TJP2: variants seen among roughly 807,000 people sequenced by gnomAD.
TJP2 encodes Friedreich ataxia region gene X104 (tight junction protein ZO-2).
TJP2 carries 91 observed loss-of-function variants against 133.1 expected under a neutral mutation model. The ratio of observed to expected loss-of-function variants is 0.68; its 90% confidence interval spans 0.58 to 0.81. The LOEUF (loss-of-function observed/expected upper bound fraction) is 0.81. Among genes scored for constraint, TJP2 ranks in the 40% least tolerant of loss-of-function variants. TJP2 has a pLI of 0.00. For missense variants in TJP2, 1,541 were observed against 1,565.6 expected (o/e 0.98, Z 0.26); for synonymous variants, 592 against 583.4 (o/e 1.01, Z -0.21).
intron 2 of TJP2, among the ~76,000 whole-genome samples, chr9:69,160,439 GTTCA>G (rs775797847): frequency 2.0e-4 from 30 of 152,224 alleles, no homozygotes; most frequent in Non-Finnish European, 4.0e-4. Context: ...ACCTGATTTT[GTTCA>G]TTATGACTCC....
At chr9:69,198,356 G>A (rs886582629) in intron 1 of TJP2, among the ~76,000 whole-genome samples, 6 of 152,164 alleles carry the variant, frequency 3.9e-5, no homozygotes, top group African/African-American at 1.4e-4. Flanking sequence ...TGGCCAGGCT[G>A]GTCTTGATCT....
In TJP2 at chr9:69,221,210, G is replaced by A. The variant is rs1828811416; in HGVS notation, c.666G>A (p.Glu222=). 6.2e-7 allele frequency: 1 copy of A among 1,603,396 alleles called. No homozygotes were observed. The highest frequency in any genetic ancestry group is 1.3e-5 in the African/African-American group (1 of 74,634). The change falls in exon 5 of 23, where the codon GAG becomes GAA. Residue 222 remains glutamate (E), a synonymous_variant. Transcript: ENST00000377245. ...ACCGCAGCCGTGGCCGGAGCCTGGAGCGGGGCCTGGACCACGACTTTGGGC... is the reference window on the plus strand; with the variant it reads ...ACCGCAGCCGTGGCCGGAGCCTGGAACGGGGCCTGGACCACGACTTTGGGC... ...TRDRSRGRSL[E]RGLDHDFGPS...
chr9:69,164,256 C>G (rs1824235409), intron 2 of TJP2, among the ~76,000 whole-genome samples: 1 of 152,112 alleles, frequency 6.6e-6, no homozygotes, highest in African/African-American at 2.4e-5. Context: ...TACTCTTCAA[C>G]TTTAATCTGT....
At chr9:69,158,019 CA>C (rs1823861536) in intron 2 of TJP2, among the ~76,000 whole-genome samples, 1 of 152,018 alleles carries the variant, frequency 6.6e-6, no homozygotes, top group Non-Finnish European at 1.5e-5. Context: ...GACCCAGAGG[CA>C]GGCACAGTGG....
intron 1 of TJP2, among the ~76,000 whole-genome samples, chr9:69,204,503 C>A (rs930862368): frequency 6.6e-6 from 1 of 152,196 alleles, no homozygotes; most frequent in Non-Finnish European, 1.5e-5. Flanking sequence ...AAAGAACAGA[C>A]GGCAGGGCTC....
intron 4 of TJP2, among the ~76,000 whole-genome samples, chr9:69,220,010 G>A: frequency 6.6e-6 from 1 of 152,170 alleles, no homozygotes; most frequent in East Asian, 1.9e-4. Flanking sequence ...AATTAGCCAG[G>A]CATGGTGGTG....
intron 1 of TJP2, among the ~76,000 whole-genome samples, chr9:69,140,836 C>T (rs1264630614): frequency 2.6e-5 from 4 of 152,202 alleles, no homozygotes; most frequent in Admixed American, 2.6e-4. Context: ...ATAAGGAGTT[C>T]AAAGTTTTTT....
chr9:69,248,149 T>G lies in TJP2; in HGVS notation c.2805T>G (p.Asn935Lys). 6.2e-7 allele frequency: 1 copy of G among 1,613,902 alleles called. No homozygotes were observed. Among genetic ancestry groups the G allele is most frequent in the Non-Finnish European group, 8.5e-7 (1 of 1,179,958 alleles). ...GTGAAGGAGGCGCCTACACTGACAATGAGCTGGATGAGCCAGCCGAGGAGC... is the reference window on the plus strand; with the variant it reads ...GTGAAGGAGGCGCCTACACTGACAAGGAGCTGGATGAGCCAGCCGAGGAGC... ...TDGEGGAYTD[N>K]ELDEPAEEPL... Residue 935 changes from asparagine (N) to lysine (K), a missense_variant, in exon 19 of 23, where the codon AAT becomes AAG. By Grantham distance (94) the Asn-to-Lys change is moderately conservative. Transcript: ENST00000377245.
intron 1 of TJP2, among the ~76,000 whole-genome samples, chr9:69,192,522 C>T (rs1487661317): frequency 6.6e-6 from 1 of 152,162 alleles, no homozygotes; most frequent in East Asian, 1.9e-4. Context: ...TTCATCTTGG[C>T]AAATGCTGTA....
At chr9:69,187,135 C>T (rs568119407) in intron 1 of TJP2, among the ~76,000 whole-genome samples, 6 of 152,256 alleles carry the variant, frequency 3.9e-5, no homozygotes, top group African/African-American at 9.6e-5. Flanking sequence ...TCAGCATGCA[C>T]GGCCTGAAAG....
intron 1 of TJP2, among the ~76,000 whole-genome samples, chr9:69,186,553 T>A (rs1825874028): frequency 6.6e-6 from 1 of 152,226 alleles, no homozygotes; most frequent in Non-Finnish European, 1.5e-5. Context: ...TAACAATGGA[T>A]GTCCAAACAG....
intron 1 of TJP2, among the ~76,000 whole-genome samples, chr9:69,182,810 T>C (rs2133002139): frequency 7.3e-6 from 1 of 137,422 alleles, no homozygotes; most frequent in South Asian, 2.3e-4. Context: ...TTTTTTGAGA[T>C]GGAGTTTCAC....
intron 1 of TJP2, among the ~76,000 whole-genome samples, chr9:69,144,645 C>CA (rs1240136170): frequency 2.0e-5 from 3 of 152,224 alleles, no homozygotes; most frequent in Non-Finnish European, 4.4e-5. Flanking sequence ...CCTAGGGTGA[C>CA]AGTGGCCTCC....
chr9:69,181,905 CCTTA>C (rs1338232540), intron 1 of TJP2, among the ~76,000 whole-genome samples: 2 of 152,172 alleles, frequency 1.3e-5, no homozygotes, highest in Non-Finnish European at 2.9e-5. Flanking sequence ...GGATTCTCTT[CCTTA>C]CTTTGCAGCT....
intron 17 of TJP2, among the ~76,000 whole-genome samples, chr9:69,244,353 T>C (rs1264323927): frequency 6.6e-6 from 1 of 152,084 alleles, no homozygotes; most frequent in African/African-American, 2.4e-5. Flanking sequence ...CTAAACCCTC[T>C]AGTCTTAGAT....
Position 69,247,838 on chromosome 9 carries a change from A to G in TJP2, c.2668-174A>G, listed in dbSNP as rs1178130471. ...TGAGTTCCTGCACAAAAACGACCATAATATCAACATTGTACCAAAGCCAAG... is the reference window on the plus strand; with the variant it reads ...TGAGTTCCTGCACAAAAACGACCATGATATCAACATTGTACCAAAGCCAAG... On this transcript the variant is annotated intron_variant, in intron 18 of 22. Coordinates refer to ENST00000377245, the MANE Select transcript of TJP2 (RefSeq NM_004817.4). Among the ~76,000 whole-genome samples the G allele has an allele frequency of 3.9e-5, 6 of 152,308 alleles. No individual in the cohort carries two copies. In the South Asian group the frequency reaches 1.2e-3, roughly 32 times the overall value.
At position 69,254,576 on chromosome 9, in the gene TJP2, A is replaced by G; in HGVS notation, c.*202A>G. 1 of 667,884 alleles carries G rather than the reference A, an allele frequency of 1.5e-6. No individual in the cohort carries two copies. Among genetic ancestry groups the G allele is most frequent in the Non-Finnish European group, 2.6e-6 (1 of 382,470 alleles). The allele number at this position is 667,884 out of a possible 1,614,324, so 41.4% of individuals were successfully genotyped here. ...GGCTCTGTTTGTGGGACTGGGTTAGAGGAGTCTGTGGCTTTTTGTTCAGAA... is the reference window on the plus strand; with the variant it reads ...GGCTCTGTTTGTGGGACTGGGTTAGGGGAGTCTGTGGCTTTTTGTTCAGAA... On this transcript the variant is annotated 3_prime_UTR_variant, in exon 23 of 23. Transcript: ENST00000377245.
At chr9:69,162,173 TAA>T (rs1348601707) in intron 2 of TJP2, among the ~76,000 whole-genome samples, 1 of 148,148 alleles carries the variant, frequency 6.8e-6, no homozygotes, top group African/African-American at 2.4e-5. Context: ...TATATATACA[TAA>T]AGTATAATTT....
Position 69,248,515 on chromosome 9 carries a change from A to G in TJP2, c.2880+291A>G, listed in dbSNP as rs1312337668. 3.1e-6 allele frequency: 4 copies of G among 1,293,488 alleles called. No individual in the cohort carries two copies. The South Asian group carries it at 9.5e-5, about 31-fold the overall frequency. The allele number at this position is 1,293,488 out of a possible 1,614,324, so 80.1% of individuals were successfully genotyped here. A position where few individuals can be genotyped will look rare whatever the true frequency, so the allele number is the denominator to read the frequency against. On this transcript the variant is annotated intron_variant, in intron 19 of 22. Coordinates refer to ENST00000377245, the MANE Select transcript of TJP2 (RefSeq NM_004817.4). Reference sequence around the variant, plus strand: ...TTAGGTGCCGTCTGTCCAAATTACCAGCGGAACCTTCCTTCCCATGCAGTA... The same window carrying G: ...TTAGGTGCCGTCTGTCCAAATTACCGGCGGAACCTTCCTTCCCATGCAGTA...
Sources: gnomAD v4.1 joint callset for allele counts (sites outside exome capture counted in the v4.1 genomes callset) on GRCh38, gnomAD v4.1.1 for gene constraint, MANE v1.5 for transcripts, NCBI Gene and HGNC (gene_info 2026-07-23, HGNC 2026-07-21) for gene names.